The following CADPS2 variants were observed in gnomAD, a reference collection of about 807,000 sequenced individuals.
The protein encoded by CADPS2 is calcium-dependent secretion activator 2.
In CADPS2, 93 loss-of-function variants were observed where a neutral mutation model predicts 172.5. That is an observed-to-expected ratio of 0.54 (90% CI 0.46 to 0.64). CADPS2 has a LOEUF of 0.64. Ranked by LOEUF, CADPS2 falls within the 30% of genes least tolerant of loss-of-function variation. The pLI, the probability that CADPS2 is intolerant of heterozygous loss-of-function variation, is 0.00. For synonymous variants in CADPS2, 546 were observed against 555.2 expected (o/e 0.98, Z 0.23); for missense variants, 1,420 against 1,565.9 (o/e 0.91, Z 1.57).
chr7:122,419,308 C>T lies in CADPS2; in HGVS notation c.2477-3144G>A, dbSNP rs141457160. ...AAGGGTGGATAAGAGAGCATGCTCA[C>T]GATAAAACGCAGCTGTAGTCTGAGA... On this transcript the variant is annotated intron_variant, in intron 17 of 29. Coordinates refer to ENST00000449022, the MANE Select transcript of CADPS2 (RefSeq NM_017954.11). 1.3e-3 allele frequency among the ~76,000 whole-genome samples: 192 copies of T among 152,246 alleles called. 1 individual carries two copies. The highest frequency in any genetic ancestry group is 2.1e-3 in the Non-Finnish European group (142 of 68,030).
At chr7:122,633,215 T>C (rs1441474237) in intron 3 of CADPS2, among the ~76,000 whole-genome samples, 4 of 152,192 alleles carry the variant, frequency 2.6e-5, no homozygotes, top group Non-Finnish European at 5.9e-5. Context: ...AATAGATTTT[T>C]CTAATTCTGT....
chr7:122,816,731 T>C (rs1224004477), intron 1 of CADPS2, among the ~76,000 whole-genome samples: 1 of 152,200 alleles, frequency 6.6e-6, no homozygotes, highest in Non-Finnish European at 1.5e-5. Flanking sequence ...GTCATTTTTG[T>C]CAGGCCTCTG....
At chr7:122,538,146 TAA>T (rs35361124) in intron 8 of CADPS2, among the ~76,000 whole-genome samples, 105 of 146,478 alleles carry the variant, frequency 7.2e-4, no homozygotes, top group African/African-American at 2.0e-3. Context: ...ACAAATTCAG[TAA>T]AAAAAAAAAG....
At chr7:122,354,242 C>T (rs376309301) in intron 27 of CADPS2, 11 of 151,970 alleles carry the variant, frequency 7.2e-5, no homozygotes, top group African/African-American at 2.7e-4. Context: ...ATTTATTGTG[C>T]ACTAATTCCA....
chr7:122,838,752 C>T (rs868310382), intron 1 of CADPS2, among the ~76,000 whole-genome samples: 6 of 152,142 alleles, frequency 3.9e-5, no homozygotes, highest in African/African-American at 1.4e-4. Context: ...AGGAGAACTA[C>T]AAACCACTGC....
At chr7:122,719,169 C>T (rs1338863861) in intron 2 of CADPS2, among the ~76,000 whole-genome samples, 1 of 151,780 alleles carries the variant, frequency 6.6e-6, no homozygotes, top group Admixed American at 6.6e-5. Context: ...CTGAGAGGGC[C>T]CTGAGGGGTG....
chr7:122,329,605 CAA>C (rs1240000433), intron 28 of CADPS2, among the ~76,000 whole-genome samples: 1 of 152,186 alleles, frequency 6.6e-6, no homozygotes, highest in African/African-American at 2.4e-5. Context: ...AAATACAAAA[CAA>C]ATATATTAAA....
intron 8 of CADPS2, among the ~76,000 whole-genome samples, chr7:122,531,861 T>C (rs2131339474): frequency 6.6e-6 from 1 of 152,040 alleles, no homozygotes; most frequent in East Asian, 1.9e-4. Flanking sequence ...TGAAACCCCA[T>C]CTCTACTAAA....
At chr7:122,844,459 T>G (rs1811412504) in intron 1 of CADPS2, among the ~76,000 whole-genome samples, 1 of 152,170 alleles carries the variant, frequency 6.6e-6, no homozygotes, top group African/African-American at 2.4e-5. Flanking sequence ...TTCAATCACT[T>G]TTTATAAGAG....
chr7:122,585,342 A>G (rs2069495477), intron 6 of CADPS2, among the ~76,000 whole-genome samples: 1 of 151,850 alleles, frequency 6.6e-6, no homozygotes, highest in Non-Finnish European at 1.5e-5. Context: ...ATAAATTGGC[A>G]CCAATTTGAT....
At chr7:122,632,619 C>CA (rs1390021048) in intron 3 of CADPS2, among the ~76,000 whole-genome samples, 2 of 152,132 alleles carry the variant, frequency 1.3e-5, no homozygotes, top group Non-Finnish European at 2.9e-5. Context: ...GCATAGTTTG[C>CA]AAATATTTTC....
intron 10 of CADPS2, 122 bp from the exon 11 acceptor site, chr7:122,490,403 A>ATTTAGTTT (rs2058178926): frequency 1.4e-6 from 1 of 719,236 alleles, no homozygotes; most frequent in East Asian, 2.6e-5. Flanking sequence ...GTTTTAAAGA[A>ATTTAGTTT]TATTTAGTTT....
intron 1 of CADPS2, among the ~76,000 whole-genome samples, chr7:122,748,166 AGCACT>A (rs1200453489): frequency 6.6e-6 from 1 of 152,208 alleles, no homozygotes; most frequent in African/African-American, 2.4e-5. Context: ...CAAAGACTCC[AGCACT>A]GAAGCAAGTG....
At chr7:122,503,738 A>T (rs2059401846) in intron 9 of CADPS2, among the ~76,000 whole-genome samples, 1 of 152,210 alleles carries the variant, frequency 6.6e-6, no homozygotes, top group South Asian at 2.1e-4. Flanking sequence ...CCGTGCACTT[A>T]TTCATTCACC....
chr7:122,351,817 A>G (rs1036222211), intron 27 of CADPS2, among the ~76,000 whole-genome samples: 3 of 152,206 alleles, frequency 2.0e-5, no homozygotes, highest in Non-Finnish European at 4.4e-5. Flanking sequence ...TATTCTTAAC[A>G]GTCACATGAA....
At chr7:122,514,207 G>T (rs988909108) in intron 8 of CADPS2, among the ~76,000 whole-genome samples, 2 of 152,002 alleles carry the variant, frequency 1.3e-5, no homozygotes, top group Non-Finnish European at 2.9e-5. Context: ...TTTAAAATAT[G>T]ACAGAGGCCT....
rs1218735650 is a variant in CADPS2, at chr7:122,345,766, T to G, written c.3505-85A>C. ...TATTTAATCATACCCTGAAAAATAA[T>G]TTTGAAAATTACAGTCATAACAAGG... On this transcript the variant is annotated intron_variant, in intron 27 of 29. Coordinates refer to ENST00000449022, the MANE Select transcript of CADPS2 (RefSeq NM_017954.11). 6 of 884,668 alleles carry G rather than the reference T, an allele frequency of 6.8e-6. No individual in the cohort carries two copies. The East Asian group carries it at 1.5e-4, about 22-fold the overall frequency. The allele number at this position is 884,668 out of a possible 1,614,324, so 54.8% of individuals were successfully genotyped here.
At chr7:122,704,650 C>T (rs1232266348) in intron 2 of CADPS2, among the ~76,000 whole-genome samples, 3 of 152,036 alleles carry the variant, frequency 2.0e-5, no homozygotes, top group African/African-American at 7.2e-5. Context: ...TTAGCTCATT[C>T]ATTCTATTTT....
At chr7:122,608,207 T>A (rs2073838931) in intron 6 of CADPS2, among the ~76,000 whole-genome samples, 1 of 123,378 alleles carries the variant, frequency 8.1e-6, no homozygotes, top group South Asian at 2.5e-4. Context: ...AGAGCGAGAC[T>A]CCGTCTAAAA....
Sources: gnomAD v4.1 joint callset for allele counts (sites outside exome capture counted in the v4.1 genomes callset) on GRCh38, gnomAD v4.1.1 for gene constraint, MANE v1.5 for transcripts, NCBI Gene and HGNC (gene_info 2026-07-23, HGNC 2026-07-21) for gene names.